The following DYNLT2B variants were observed in gnomAD, a reference collection of about 807,000 sequenced individuals.
DYNLT2B encodes the protein dynein light chain Tctex-type protein 2B.
Under a neutral mutation model 19.5 loss-of-function variants are expected in DYNLT2B, and 14 were observed. The observed-to-expected ratio is 0.72, with a 90% CI of 0.47 to 1.12. The LOEUF (loss-of-function observed/expected upper bound fraction) is 1.12, where lower values mean the gene tolerates loss of function less well. Ranked by LOEUF, DYNLT2B falls within the 50% of genes most tolerant of loss-of-function variation. DYNLT2B has a pLI of 0.00. For synonymous variants in DYNLT2B, 70 were observed against 59.7 expected (o/e 1.17, Z -0.79); for missense variants, 133 against 174.7 (o/e 0.76, Z 1.35).
intron 1 of DYNLT2B, among the ~76,000 whole-genome samples, chr3:196,317,180 TGTTGTG>T (rs1428308716): frequency 3.6e-5 from 3 of 84,444 alleles, no homozygotes; most frequent in Admixed American, 1.3e-4. Context: ...TGTGTGTGTG[TGTTGTG>T]TGTGTGTGTG....
intron 2 of DYNLT2B, among the ~76,000 whole-genome samples, chr3:196,313,250 C>T (rs949517812): frequency 1.0e-4 from 15 of 150,666 alleles, no homozygotes; most frequent in African/African-American, 3.7e-4. Flanking sequence ...CAGGTTGCAG[C>T]ACAGTGGCAT....
intron 3 of DYNLT2B, among the ~76,000 whole-genome samples, chr3:196,303,323 G>A (rs1043227005): frequency 8.5e-5 from 13 of 152,324 alleles, no homozygotes; most frequent in African/African-American, 3.1e-4. Context: ...ACAGCCGGCT[G>A]TGCGTGAATT....
chr3:196,298,515 T>C lies in DYNLT2B; in HGVS notation c.318-2446A>G, dbSNP rs1003052036. On this transcript the variant is annotated intron_variant, in intron 3 of 4. Coordinates refer to ENST00000325318, the MANE Select transcript of DYNLT2B (RefSeq NM_152773.5). ...TTTTTGTAGAGACAGGGTTTCACCA[T>C]GTGGGCCAGGCTGGTCTCAAACTCC... Among the ~76,000 whole-genome samples, 6 of 152,146 alleles carry C rather than the reference T, an allele frequency of 3.9e-5. No individual in the cohort carries two copies. In the South Asian group the frequency reaches 1.2e-3, roughly 32 times the overall value.
rs753725878 is a variant in DYNLT2B at position 196,306,954 on chromosome 3, A to C, written c.306T>G (p.Gly102=). 8.7e-6 allele frequency: 14 copies of C among 1,613,664 alleles called. No homozygotes were observed. Among genetic ancestry groups the C allele is most frequent in the Non-Finnish European group, 1.2e-5 (14 of 1,179,720 alleles). ...VVQVVIGEQR[G]EGVFMASRCF... ...ATCCAGCTACTCACAATACTCCTTC[A>C]CCTCTTTGTTCTCCAATCACTACTT... The change falls in exon 3 of 5, where the codon GGT becomes GGG. Residue 102 remains glycine, a synonymous_variant. Coordinates refer to ENST00000325318, the MANE Select transcript of DYNLT2B (RefSeq NM_152773.5).
Position 196,317,798 on chromosome 3 carries a change from C to G in DYNLT2B, c.113+242G>C, listed in dbSNP as rs55903345. 0.32 allele frequency among the ~76,000 whole-genome samples: 49,357 copies of G among 152,062 alleles called. 9,063 individuals are homozygous for G. The highest frequency in any genetic ancestry group is 0.83 in the East Asian group (4,285 of 5,138). ...AGGGCCAACCATTCCCGCCGCGCCA[C>G]CCTAAGACGCGCCCGGCGCCCAAAC... On this transcript the variant is annotated intron_variant, in intron 1 of 4. Coordinates refer to ENST00000325318, the MANE Select transcript of DYNLT2B (RefSeq NM_152773.5).
At chr3:196,317,073 GTGT>G (rs1560194844) in intron 1 of DYNLT2B, among the ~76,000 whole-genome samples, 1 of 126,930 alleles carries the variant, frequency 7.9e-6, no homozygotes, top group African/African-American at 3.1e-5. Context: ...GTGTGTGTGT[GTGT>G]GTGTGTGTGT....
intron 2 of DYNLT2B, among the ~76,000 whole-genome samples, chr3:196,311,659 T>C (rs1419270393): frequency 1.5e-5 from 2 of 133,158 alleles, no homozygotes; most frequent in Non-Finnish European, 3.3e-5. Flanking sequence ...AGATGAGGAT[T>C]ATTTTATTTA....
intron 2 of DYNLT2B, among the ~76,000 whole-genome samples, chr3:196,309,260 ATTTTTCTT>A (rs1374261743): frequency 2.6e-5 from 4 of 151,764 alleles, no homozygotes; most frequent in East Asian, 1.9e-4. Context: ...CCACAAAACA[ATTTTTCTT>A]TTTTTCTTTT....
chr3:196,307,493 G>T (rs1221155879), intron 2 of DYNLT2B, among the ~76,000 whole-genome samples: 1 of 151,976 alleles, frequency 6.6e-6, no homozygotes, highest in Admixed American at 6.6e-5. Flanking sequence ...AGTAGAAAAG[G>T]TGTTTCACCA....
chr3:196,303,319 G>A (rs1192885853), intron 3 of DYNLT2B, among the ~76,000 whole-genome samples: 3 of 152,162 alleles, frequency 2.0e-5, no homozygotes, highest in Admixed American at 6.5e-5. Context: ...CCGCACAGCC[G>A]GCTGTGCGTG....
intron 3 of DYNLT2B, 57 bp from the exon 4 acceptor site, chr3:196,296,126 A>G (rs764908053): frequency 2.1e-6 from 3 of 1,423,006 alleles, no homozygotes; most frequent in Non-Finnish European, 3.0e-6. Flanking sequence ...TAAACGACAC[A>G]TATCTGCCAC....
chr3:196,310,072 T>C (rs963677266), intron 2 of DYNLT2B, among the ~76,000 whole-genome samples: 7 of 151,836 alleles, frequency 4.6e-5, no homozygotes, highest in Admixed American at 1.3e-4. Flanking sequence ...ATAAACTCAA[T>C]GAAATAAGTA....
At chr3:196,307,671 C>G (rs1470006574) in intron 2 of DYNLT2B, among the ~76,000 whole-genome samples, 2 of 152,100 alleles carry the variant, frequency 1.3e-5, no homozygotes, top group East Asian at 3.8e-4. Context: ...ACCTTAGCTT[C>G]CTTCCTTTTT....
intron 1 of DYNLT2B, among the ~76,000 whole-genome samples, chr3:196,317,649 G>A (rs564032594): frequency 1.3e-5 from 2 of 152,148 alleles, no homozygotes; most frequent in South Asian, 4.1e-4. Flanking sequence ...CGCCGGGAGT[G>A]AGCCCATCCT....
In DYNLT2B at chr3:196,306,959, T is replaced by G; in HGVS notation, c.301A>C (p.Arg101=). ...MVVQVVIGEQ[R]GEGVFMASRC... is the part of the protein sequence containing the mutation. ...GCTACTCACAATACTCCTTCACCTC[T>G]TTGTTCTCCAATCACTACTTGCACC... Residue 101 remains arginine, a synonymous_variant, in exon 3 of 5, where the codon AGA becomes CGA. Coordinates refer to ENST00000325318, the MANE Select transcript of DYNLT2B (RefSeq NM_152773.5). The G allele has an allele frequency of 6.2e-7, 1 of 1,614,064 alleles. No homozygotes were observed. The highest frequency in any genetic ancestry group is 1.1e-5 in the South Asian group (1 of 91,076).
At chr3:196,316,908 T>TGTGTGTG (rs1417510774) in intron 1 of DYNLT2B, among the ~76,000 whole-genome samples, 3 of 44,584 alleles carry the variant, frequency 6.7e-5, no homozygotes, top group African/African-American at 1.3e-4. Flanking sequence ...TGTGTGTGTG[T>TGTGTGTG]TGTGTGGTGT....
chr3:196,313,199 A>ATT (rs1292189022), intron 2 of DYNLT2B, among the ~76,000 whole-genome samples: 25 of 141,412 alleles, frequency 1.8e-4, no homozygotes, highest in Admixed American at 5.0e-4. Flanking sequence ...AGTATTAATG[A>ATT]TTTTTTTTTT....
In DYNLT2B at chr3:196,294,272, G is replaced by A. The variant is rs547482570; in HGVS notation, c.381+1734C>T. ...AGGCTGAGGCAGGACACTTCAACCC[G>A]GGAGGTGGAGGTTGTGGTGAGCTGA... On this transcript the variant is annotated intron_variant, in intron 4 of 4. Coordinates refer to ENST00000325318, the MANE Select transcript of DYNLT2B (RefSeq NM_152773.5). Among the ~76,000 whole-genome samples the A allele has an allele frequency of 3.3e-5, 5 of 152,216 alleles. No homozygotes were observed. In the East Asian group the frequency reaches 7.7e-4, roughly 24 times the overall value.
intron 2 of DYNLT2B, among the ~76,000 whole-genome samples, chr3:196,307,739 G>A (rs112107280): frequency 0.01 from 1,519 of 151,628 alleles, 28 homozygotes; most frequent in African/African-American, 0.035. Context: ...TAAATAAGAC[G>A]TTTTTCTTGC....
Sources: gnomAD v4.1 joint callset for allele counts (sites outside exome capture counted in the v4.1 genomes callset) on GRCh38, gnomAD v4.1.1 for gene constraint, MANE v1.5 for transcripts, NCBI Gene and HGNC (gene_info 2026-07-23, HGNC 2026-07-21) for gene names.